The following MROH2A variants were observed in gnomAD, a reference collection of about 807,000 sequenced individuals.
MROH2A encodes maestro heat-like repeat-containing protein family member 2A.
A neutral mutation model predicts 200.4 loss-of-function variants in MROH2A; 174 were observed. The observed-to-expected ratio is 0.87, with a 90% CI of 0.77 to 0.98. The LOEUF (loss-of-function observed/expected upper bound fraction) is 0.98. Among genes scored for constraint, MROH2A ranks in the 50% least tolerant of loss-of-function variants. MROH2A has a pLI of 0.00. For synonymous variants in MROH2A, 829 were observed against 840.4 expected (o/e 0.99, Z 0.23); for missense variants, 2,045 against 2,139.6 (o/e 0.96, Z 0.87).
rs1029862735 is a variant in MROH2A, at chr2:233,822,717, G to C, written c.3866+161G>C. On this transcript the variant is annotated intron_variant, in intron 33 of 41. Transcript: ENST00000389758. ...CGTTCTCATGTGTGTCAAGCACGGT[G>C]TGGTTTTCAGAGCTTGCAGATCCAC... 2.6e-6 allele frequency: 3 copies of C among 1,132,930 alleles called. No homozygotes were observed. The African/African-American group carries it at 4.7e-5, about 18-fold the overall frequency. The allele number at this position is 1,132,930 out of a possible 1,614,324, so 70.2% of individuals were successfully genotyped here.
At chr2:233,824,846 T>G (rs1439771032) in intron 35 of MROH2A, among the ~76,000 whole-genome samples, 1 of 152,248 alleles carries the variant, frequency 6.6e-6, no homozygotes, top group Non-Finnish European at 1.5e-5. Context: ...ATAATTTTTT[T>G]CTAATTCTGT....
upstream of MROH2A, chr2:233,775,893 T>A (rs1700692159): frequency 6.6e-6 from 1 of 152,236 alleles, no homozygotes; most frequent in Non-Finnish European, 1.5e-5. Flanking sequence ...ATGCTATTTG[T>A]GTGATAGTGA....
chr2:233,812,919 G>T (rs756102793), intron 24 of MROH2A, among the ~76,000 whole-genome samples: 11 of 152,320 alleles, frequency 7.2e-5, no homozygotes, highest in Admixed American at 2.0e-4. Flanking sequence ...AAGACACTTT[G>T]GGGGAGCAGG....
At chr2:233,779,284 T>A in intron 1 of MROH2A, 61 bp from the exon 2 acceptor site, 1 of 1,059,226 alleles carries the variant, frequency 9.4e-7, no homozygotes, top group Non-Finnish European at 1.4e-6. Context: ...TGTGGGTCGT[T>A]GGGGTCATCT....
In MROH2A at chr2:233,822,461, T is replaced by C. The variant is rs1200156932; in HGVS notation, c.3771T>C (p.Leu1257=). 6.4e-7 allele frequency: 1 copy of C among 1,550,644 alleles called. No individual in the cohort carries two copies. The highest frequency in any genetic ancestry group is 1.4e-5 in the African/African-American group (1 of 73,020). The change falls in exon 33 of 42, where the codon CTT becomes CTC. Residue 1257 remains leucine, a synonymous_variant. Transcript: ENST00000389758. The stretch of plus-strand genomic sequence containing the variant: ...TCATCTACACCCTCCTGCTGCAGCT[T>C]GGAAGCAGCCACCGACCAGAGGCCG... ...PDLIYTLLLQ[L]GSSHRPEAAP... is the part of the protein sequence containing the mutation.
intron 10 of MROH2A, 40 bp downstream of exon 10, chr2:233,796,085 G>C (rs1044900490): frequency 1.3e-6 from 2 of 1,543,824 alleles, no homozygotes; most frequent in Admixed American, 3.9e-5. Context: ...CTGCCCCGAG[G>C]CCTGCAGGAG....
intron 14 of MROH2A, 87 bp downstream of exon 14, chr2:233,800,402 T>C (rs1195011800): frequency 1.4e-5 from 11 of 779,578 alleles, no homozygotes; most frequent in Non-Finnish European, 2.3e-5. Flanking sequence ...ACATCTTTGC[T>C]TCTTCCGTTC....
In MROH2A at chr2:233,828,701, CG is replaced by C; in HGVS notation, c.4186del (p.Asp1396ThrfsTer27). 6.4e-7 allele frequency: 1 copy of C among 1,550,674 alleles called. No homozygotes were observed. Among genetic ancestry groups the C allele is most frequent in the Non-Finnish European group, 8.7e-7 (1 of 1,147,018 alleles). ...CAGCTTTGCTGCTGGAGAAGGGTGC[CG>C]ACCAGGAGGAAGACGAGGCCCTGCG... ...PAALLLEKGADQEEDEALRVL... is the reference protein window; with the variant it reads ...PAALLLEKGAXQEEDEALRVL... On this transcript the variant is annotated frameshift_variant, in exon 36 of 42. Transcript: ENST00000389758. LOFTEE classifies it high-confidence loss of function. The surrounding 1 kb of genome is among the most constrained non-coding windows in gnomAD (Gnocchi z 4.6).
At chr2:233,808,002 T>C in intron 21 of MROH2A, 147 bp downstream of exon 21, 7 of 1,076,226 alleles carry the variant, frequency 6.5e-6, no homozygotes, top group Admixed American at 2.3e-5. Context: ...ATTGTCTTAC[T>C]CTGAGACCTC....
intron 22 of MROH2A, 108 bp from the exon 23 acceptor site, chr2:233,810,686 A>C: frequency 7.2e-7 from 1 of 1,381,328 alleles, no homozygotes; most frequent in Non-Finnish European, 9.7e-7. Flanking sequence ...ATTCAACATT[A>C]AACGCTTTCT....
At chr2:233,791,927 G>A (rs1321368847) in intron 5 of MROH2A, among the ~76,000 whole-genome samples, 1 of 152,064 alleles carries the variant, frequency 6.6e-6, no homozygotes, top group Non-Finnish European at 1.5e-5. Context: ...GTCTGAAGAT[G>A]GGGGTGCACT....
intron 24 of MROH2A, 107 bp downstream of exon 24, chr2:233,812,066 C>G: frequency 1.3e-6 from 1 of 784,750 alleles, no homozygotes; most frequent in Non-Finnish European, 2.1e-6. Context: ...TCTCCTCCCT[C>G]TGTAGCAGGG....
intron 5 of MROH2A, among the ~76,000 whole-genome samples, chr2:233,790,636 TC>T (rs1393064436): frequency 0.012 from 2 of 172 alleles, 1 homozygote; most frequent in Non-Finnish European, 0.024. Flanking sequence ...TCCCCTCCCC[TC>T]CCCTCCCCTC....
chr2:233,815,743 A>G (rs1293273343), intron 26 of MROH2A, among the ~76,000 whole-genome samples: 1 of 151,424 alleles, frequency 6.6e-6, no homozygotes, highest in African/African-American at 2.4e-5. Context: ...GGCTCTGTTG[A>G]TGTGTTTGCC....
At position 233,827,782 on chromosome 2, in the gene MROH2A, T is replaced by G. The variant is rs1207869870; in HGVS notation, c.4114-848T>G. Among the ~76,000 whole-genome samples, 6 of 149,968 alleles carry G rather than the reference T, an allele frequency of 4.0e-5. No homozygotes were observed. In the Admixed American group the frequency reaches 4.1e-4, roughly 10 times the overall value. On this transcript the variant is annotated intron_variant, in intron 35 of 41. Transcript: ENST00000389758. ...TTTAAGAAGCAAGCTATTTAAATTCTTCAAATTTGATAGGGATGGATTATA... is the reference window on the plus strand; with the variant it reads ...TTTAAGAAGCAAGCTATTTAAATTCGTCAAATTTGATAGGGATGGATTATA...
rs143612294 is a variant in MROH2A at position 233,807,626 on chromosome 2, TTGTG to T, written c.2173-95_2173-92del. On this transcript the variant is annotated intron_variant, in intron 20 of 41. Transcript: ENST00000389758. The surrounding 1 kb of genome is among the most constrained non-coding windows in gnomAD (Gnocchi z 4.3). ...GTGTGTTCATGTGGCTGCATGCGTT[TTGTG>T]TGTGTGTGTGTACATGTGTGTGTGC... is the stretch of plus-strand genomic sequence containing the variant. 3 of 1,460,722 alleles carry T rather than the reference TTGTG, an allele frequency of 2.1e-6. No homozygotes were observed. The highest frequency in any genetic ancestry group is 1.2e-5 in the South Asian group (1 of 80,020). The allele number at this position is 1,460,722 out of a possible 1,614,324, so 90.5% of individuals were successfully genotyped here.
At chr2:233,833,116 C>T in intron 41 of MROH2A, 22 bp from the exon 42 acceptor site, 1 of 1,527,110 alleles carries the variant, frequency 6.5e-7, no homozygotes, top group Non-Finnish European at 8.8e-7. Context: ...CCTGAACCTT[C>T]CCTCTTTGTG....
Position 233,819,970 on chromosome 2 carries a change from T to C in MROH2A, c.3426T>C (p.Leu1142=), listed in dbSNP as rs2124854109. The C allele has an allele frequency of 6.5e-7, 1 of 1,546,706 alleles. No homozygotes were observed. The highest frequency in any genetic ancestry group is 1.7e-4 in the Middle Eastern group (1 of 5,960). Residue 1142 remains leucine (L), a synonymous_variant, in exon 31 of 42, where the codon CTT becomes CTC. Coordinates refer to ENST00000389758, the MANE Select transcript of MROH2A (RefSeq NM_001394639.1). ...TGGACCACCCAGAGGTGCGGCGCCT[T>C]CTCATTGACGGCATCCTGCTGCTGG... ...PVVDHPEVRR[L]LIDGILLLAH... is the part of the protein sequence containing the mutation.
intron 37 of MROH2A, 115 bp from the exon 38 acceptor site, chr2:233,829,505 A>G: frequency 9.6e-7 from 1 of 1,036,476 alleles, no homozygotes; most frequent in East Asian, 3.2e-5. Context: ...ACCCTGACGG[A>G]ATGATCCAGA....
Sources: allele counts gnomAD v4.1 joint callset (sites outside exome capture counted in the v4.1 genomes callset), GRCh38; gene constraint gnomAD v4.1.1; non-coding constraint Gnocchi (gnomAD v3.1); transcripts MANE v1.5; gene names NCBI Gene and HGNC (gene_info 2026-07-23, HGNC 2026-07-21).